The following MTCL1 variants were observed in gnomAD, a reference collection of about 807,000 sequenced individuals.
MTCL1 encodes microtubule cross-linking factor 1.
MTCL1 carries 79 observed loss-of-function variants against 141.4 expected under a neutral mutation model. The ratio of observed to expected loss-of-function variants is 0.56; its 90% CI spans 0.47 to 0.67. MTCL1 has a LOEUF of 0.67. Ranked by LOEUF, MTCL1 falls within the 30% of genes least tolerant of loss-of-function variation. MTCL1 has a pLI of 0.00. For missense variants in MTCL1, 2,177 were observed against 2,113.9 expected (o/e 1.03, Z -0.59); for synonymous variants, 914 against 875.8 (o/e 1.04, Z -0.77).
chr18:8,706,646 C>T (rs903701281), exon 1 of MTCL1: 1 of 1,546,302 alleles, frequency 6.5e-7, no homozygotes, highest in African/African-American at 1.4e-5. Context: ...CGGCTCGTGC[C>T]AGCGGCGGAG....
At chr18:8,780,940 G>C (rs2096530458) in intron 5 of MTCL1, among the ~76,000 whole-genome samples, 1 of 152,120 alleles carries the variant, frequency 6.6e-6, no homozygotes, top group Admixed American at 6.6e-5. Context: ...GGCTGAGGTG[G>C]TGGATCATCT....
chr18:8,738,646 C>T (rs1416951125), intron 4 of MTCL1, among the ~76,000 whole-genome samples: 2 of 152,104 alleles, frequency 1.3e-5, no homozygotes, highest in South Asian at 2.1e-4. Context: ...CCTTTTCCTC[C>T]CCACAACACA....
At chr18:8,706,787 C>T (rs2096060309) in intron 1 of MTCL1, 74 bp downstream of exon 1, 2 of 1,524,250 alleles carry the variant, frequency 1.3e-6, no homozygotes, top group African/African-American at 1.4e-5. Flanking sequence ...CCCGCCAACC[C>T]CTCCTTCCCG....
exon 17 of MTCL1, chr18:8,832,560 A>G (rs1460822074): frequency 1.3e-5 from 2 of 152,164 alleles, no homozygotes; most frequent in Non-Finnish European, 2.9e-5. Context: ...CTTGTACTGT[A>G]CTTTTATTGT....
chr18:8,795,688 T>C (rs1353459164), intron 8 of MTCL1, among the ~76,000 whole-genome samples: 2 of 152,214 alleles, frequency 1.3e-5, no homozygotes, highest in Admixed American at 1.3e-4. Flanking sequence ...GGCTGTTGTA[T>C]GCAGTTGAGG....
At chr18:8,720,565 C>A in intron 4 of MTCL1, 69 bp downstream of exon 3, 1 of 1,478,274 alleles carries the variant, frequency 6.8e-7, no homozygotes, top group Non-Finnish European at 9.2e-7. Flanking sequence ...TCCAAGTGCC[C>A]CCTTCTCATT....
chr18:8,812,716 A>C, intron 11 of MTCL1: 3 of 430,770 alleles, frequency 7.0e-6, no homozygotes, highest in East Asian at 4.4e-5. Context: ...AGTACAGGCA[A>C]GAGATAGTGG....
At chr18:8,783,919 G>A (rs937364643) in exon 6 of MTCL1, 2 of 1,613,508 alleles carry the variant, frequency 1.2e-6, no homozygotes, top group African/African-American at 2.7e-5. Flanking sequence ...ACTCCCTGGA[G>A]TCCTCCACTG....
chr18:8,767,912 T>C (rs1287967536), intron 4 of MTCL1, among the ~76,000 whole-genome samples: 1 of 152,230 alleles, frequency 6.6e-6, no homozygotes, highest in Non-Finnish European at 1.5e-5. Context: ...AAATATTTAA[T>C]CTTGTTGAGA....
chr18:8,792,423 A>C (rs1298631156), intron 7 of MTCL1, among the ~76,000 whole-genome samples: 1 of 152,220 alleles, frequency 6.6e-6, no homozygotes, highest in Non-Finnish European at 1.5e-5. Context: ...GGGAGGCCTG[A>C]AGCCGTGCAT....
intron 4 of MTCL1, among the ~76,000 whole-genome samples, chr18:8,752,120 G>A (rs1033692801): frequency 3.9e-5 from 6 of 152,228 alleles, no homozygotes; most frequent in Non-Finnish European, 8.8e-5. Flanking sequence ...AGGACATCCC[G>A]ATGACAGAGA....
upstream of MTCL1, among the ~76,000 whole-genome samples, chr18:8,716,131 T>C (rs1218661130): frequency 2.6e-5 from 4 of 152,244 alleles, no homozygotes; most frequent in Admixed American, 6.5e-5. Context: ...TAAGACACAT[T>C]AGGACATCTT....
At chr18:8,737,620 C>T (rs965960710) in intron 4 of MTCL1, among the ~76,000 whole-genome samples, 2 of 152,184 alleles carry the variant, frequency 1.3e-5, no homozygotes, top group Admixed American at 6.5e-5. Flanking sequence ...CTGGGATCTC[C>T]GTCAGTTTCC....
At chr18:8,739,439 A>G (rs1476851485) in intron 4 of MTCL1, among the ~76,000 whole-genome samples, 1 of 152,178 alleles carries the variant, frequency 6.6e-6, no homozygotes, top group African/African-American at 2.4e-5. Flanking sequence ...CTTCCCCCTA[A>G]GAGTTCCTGT....
intron 4 of MTCL1, among the ~76,000 whole-genome samples, chr18:8,726,286 C>CTTTTTTTTTTTTTTTT (rs77665680): frequency 2.7e-3 from 278 of 102,234 alleles, no homozygotes; most frequent in Non-Finnish European, 3.5e-3. Context: ...TTCTTTTTTT[C>CTTTTTTTTTTTTTTTT]TTTTTTTTTT....
intron 4 of MTCL1, among the ~76,000 whole-genome samples, chr18:8,772,976 T>G (rs1206632612): frequency 6.6e-6 from 1 of 152,180 alleles, no homozygotes; most frequent in African/African-American, 2.4e-5. Context: ...TATGTTGATT[T>G]GCCTAACTGT....
In MTCL1 at chr18:8,756,175, T is replaced by C. The variant is rs150705092; in HGVS notation, c.358-21658T>C. 2.4e-3 allele frequency among the ~76,000 whole-genome samples: 370 copies of C among 152,234 alleles called. 6 individuals carry two copies. The highest frequency in any genetic ancestry group is 1.8e-3 in the Admixed American group (28 of 15,290). Reference sequence around the variant, plus strand: ...TAACCATGCACAAGATTTAACACGTTCATACTGGGGTCTCTCTTGTAGGTC... The same window carrying C: ...TAACCATGCACAAGATTTAACACGTCCATACTGGGGTCTCTCTTGTAGGTC... On this transcript the variant is annotated intron_variant, in intron 4 of 16. Transcript: ENST00000359865.
In MTCL1 at chr18:8,767,364, G is replaced by A. The variant is rs529278444; in HGVS notation, c.358-10469G>A. Among the ~76,000 whole-genome samples, 10 of 152,302 alleles carry A rather than the reference G, an allele frequency of 6.6e-5. No individual in the cohort carries two copies. The South Asian group carries it at 2.1e-3, about 32-fold the overall frequency. Reference sequence around the variant, plus strand: ...ACCAAGCAGTGGCTCCAGATAGCAAGGATCCTAGGCAGGTATGGGTCAGTA... The same window carrying A: ...ACCAAGCAGTGGCTCCAGATAGCAAAGATCCTAGGCAGGTATGGGTCAGTA... On this transcript the variant is annotated intron_variant, in intron 4 of 16. Transcript: ENST00000359865.
rs2076438569 is a variant in MTCL1 at position 8,810,214 on chromosome 18, G to GGACT, written c.2605-2763_2605-2760dup. On this transcript the variant is annotated intron_variant, in intron 11 of 16. Transcript: ENST00000359865. This position sits in a 1 kb window ranked among gnomAD's most constrained non-coding sequence, Gnocchi z 5.0. ...TTGCCGTCAGGTGTGCGGGGCTGAA[G>GGACT]GACTGTGCGCTGTGCCGAGGGACAG... The GGACT allele has an allele frequency of 6.5e-6, 1 of 152,952 alleles. No individual in the cohort carries two copies. Among genetic ancestry groups the GGACT allele is most frequent in the African/African-American group, 2.4e-5 (1 of 41,454 alleles). 9.5% of individuals were successfully genotyped at this position (152,952 alleles called of 1,614,324 possible). A position where few individuals can be genotyped will look rare whatever the true frequency, so the allele number is the denominator to read the frequency against.
Sources: gnomAD v4.1 joint callset for allele counts (sites outside exome capture counted in the v4.1 genomes callset) on GRCh38, gnomAD v4.1.1 for gene constraint, Gnocchi (gnomAD v3.1) non-coding constraint, MANE v1.5 for transcripts, NCBI Gene and HGNC (gene_info 2026-07-23, HGNC 2026-07-21) for gene names.